Variants in RBMS3 observed in about 807,000 individuals in gnomAD.
The protein encoded by RBMS3 is RNA-binding motif, single-stranded-interacting protein 3.
In RBMS3, 27 loss-of-function variants were observed where a neutral mutation model predicts 66.8. The observed-to-expected ratio is 0.40, with a 90% CI of 0.30 to 0.56. RBMS3 has a LOEUF of 0.56. Among genes scored for constraint, RBMS3 ranks in the 20% least tolerant of loss-of-function variants. The pLI is 0.40. For synonymous variants in RBMS3, 188 were observed against 183.0 expected (o/e 1.03, Z -0.22); for missense variants, 513 against 549.5 (o/e 0.93, Z 0.66).
At chr3:29,305,661 T>C (rs183065405) in intron 1 of RBMS3, among the ~76,000 whole-genome samples, 71 of 152,064 alleles carry the variant, frequency 4.7e-4, no homozygotes, top group Non-Finnish European at 8.5e-4. Flanking sequence ...CCCACCACAA[T>C]TTTGGGATTT....
At chr3:29,348,317 A>G (rs55872743) in intron 1 of RBMS3, among the ~76,000 whole-genome samples, 1 of 152,060 alleles carries the variant, frequency 6.6e-6, no homozygotes. Context: ...AAAATATTTC[A>G]GGCAAATTTA....
intron 4 of RBMS3, among the ~76,000 whole-genome samples, chr3:29,676,691 C>T (rs2051271063): frequency 6.6e-6 from 1 of 152,102 alleles, no homozygotes; most frequent in African/African-American, 2.4e-5. Context: ...ATTTTGTCAA[C>T]CAGTAGCTTT....
intron 2 of RBMS3, among the ~76,000 whole-genome samples, chr3:29,458,979 G>A (rs938862163): frequency 6.6e-6 from 1 of 152,126 alleles, no homozygotes; most frequent in South Asian, 2.1e-4. Flanking sequence ...TGATGTGAGA[G>A]AAACTGGATA....
intron 3 of RBMS3, among the ~76,000 whole-genome samples, chr3:29,563,698 T>C (rs2046635897): frequency 6.6e-6 from 1 of 152,092 alleles, no homozygotes; most frequent in Non-Finnish European, 1.5e-5. Flanking sequence ...CTGTTTCCAT[T>C]ATGTGTAAAT....
intron 1 of RBMS3, among the ~76,000 whole-genome samples, chr3:29,377,875 AAAATGTTACC>A (rs1201314169): frequency 6.6e-6 from 1 of 152,224 alleles, no homozygotes; most frequent in African/African-American, 2.4e-5. Context: ...TGTTGTCTTT[AAAATGTTACC>A]AAAACTAGTC....
intron 5 of RBMS3, among the ~76,000 whole-genome samples, chr3:29,757,626 G>A (rs1310449067): frequency 6.6e-6 from 1 of 152,164 alleles, no homozygotes; most frequent in Admixed American, 6.5e-5. Flanking sequence ...CCAGAGATTG[G>A]TATTTTTAAA....
At chr3:29,663,274 T>C (rs761672124) in intron 4 of RBMS3, among the ~76,000 whole-genome samples, 1 of 152,216 alleles carries the variant, frequency 6.6e-6, no homozygotes, top group Non-Finnish European at 1.5e-5. Flanking sequence ...TTAATTTCTA[T>C]CATCTCCTAT....
chr3:29,302,336 C>T (rs2033733633), intron 1 of RBMS3, among the ~76,000 whole-genome samples: 1 of 151,890 alleles, frequency 6.6e-6, no homozygotes, highest in South Asian at 2.1e-4. Flanking sequence ...ACTGGTGGTA[C>T]TTTCTGATTA....
intron 1 of RBMS3, among the ~76,000 whole-genome samples, chr3:29,427,318 G>T (rs575891510): frequency 2.0e-5 from 3 of 152,294 alleles, no homozygotes; most frequent in African/African-American, 7.2e-5. Flanking sequence ...GGCTGTAATT[G>T]CATGGCTTGC....
intron 4 of RBMS3, among the ~76,000 whole-genome samples, chr3:29,617,293 T>G (rs2048705454): frequency 6.6e-6 from 1 of 152,226 alleles, no homozygotes; most frequent in South Asian, 2.1e-4. Context: ...ATGATATTGA[T>G]ATTGCAGACT....
intron 1 of RBMS3, among the ~76,000 whole-genome samples, chr3:29,402,215 C>A (rs2039842806): frequency 6.6e-6 from 1 of 151,990 alleles, no homozygotes; most frequent in Non-Finnish European, 1.5e-5. Flanking sequence ...TTGTAAGAGG[C>A]TCCTATGTAG....
At chr3:29,633,772 T>C (rs1439753948) in intron 4 of RBMS3, among the ~76,000 whole-genome samples, 1 of 151,858 alleles carries the variant, frequency 6.6e-6, no homozygotes, top group Non-Finnish European at 1.5e-5. Context: ...AGATCAAAGA[T>C]CCAGCTTTTA....
intron 4 of RBMS3, among the ~76,000 whole-genome samples, chr3:29,719,885 T>C (rs1002160321): frequency 3.3e-5 from 5 of 152,190 alleles, no homozygotes; most frequent in Non-Finnish European, 7.3e-5. Flanking sequence ...TCCCACCTAA[T>C]TGGAACTCGG....
chr3:29,412,569 A>C (rs2040309807), intron 1 of RBMS3, among the ~76,000 whole-genome samples: 1 of 152,196 alleles, frequency 6.6e-6, no homozygotes, highest in Non-Finnish European at 1.5e-5. Context: ...AAGAAGAATC[A>C]TTGTTGACTA....
At chr3:29,282,014 A>C (rs1030673778) in intron 1 of RBMS3, among the ~76,000 whole-genome samples, 1 of 152,188 alleles carries the variant, frequency 6.6e-6, no homozygotes, top group African/African-American at 2.4e-5. Flanking sequence ...GTTATTTGGC[A>C]GCATAAATGG....
chr3:29,488,492 G>T lies in RBMS3; in HGVS notation c.300G>T (p.Gln100His). The change falls in exon 3 of 15, where the codon CAG becomes CAT. Residue 100 changes from glutamine to histidine, a missense_variant. Coordinates refer to ENST00000383767, the MANE Select transcript of RBMS3 (RefSeq NM_001003793.3). The part of the protein sequence containing the change: ...TKAILDKNTN[Q>H]CKGYGFVDFD... Reference sequence around the variant, plus strand: ...CAATTCTTGACAAAAACACAAATCAGTGCAAAGGTATGTGTAAGGGCATCC... The same window carrying T: ...CAATTCTTGACAAAAACACAAATCATTGCAAAGGTATGTGTAAGGGCATCC... 1.2e-6 allele frequency: 2 copies of T among 1,611,498 alleles called. No individual in the cohort carries two copies. The highest frequency in any genetic ancestry group is 1.7e-6 in the Non-Finnish European group (2 of 1,177,736).
chr3:29,682,767 C>T (rs762355399), intron 4 of RBMS3, among the ~76,000 whole-genome samples: 3 of 152,050 alleles, frequency 2.0e-5, no homozygotes, highest in Non-Finnish European at 2.9e-5. Context: ...TGCAACAGTG[C>T]TATTCACAAA....
chr3:29,341,369 C>T (rs2036272475), intron 1 of RBMS3, among the ~76,000 whole-genome samples: 1 of 152,038 alleles, frequency 6.6e-6, no homozygotes. Context: ...TTATGTTGCC[C>T]ATTGTCACTC....
chr3:29,604,532 G>A (rs1000939982), intron 4 of RBMS3, among the ~76,000 whole-genome samples: 12 of 151,924 alleles, frequency 7.9e-5, no homozygotes, highest in Non-Finnish European at 1.6e-4. Context: ...TTTATTGAAT[G>A]TCTCAAAGCA....
Sources: gnomAD v4.1 joint callset for allele counts (sites outside exome capture counted in the v4.1 genomes callset) on GRCh38, gnomAD v4.1.1 for gene constraint, MANE v1.5 for transcripts, NCBI Gene and HGNC (gene_info 2026-07-23, HGNC 2026-07-21) for gene names.